Variants in PAM observed in about 807,000 individuals in gnomAD.
PAM encodes peptidyl-glycine alpha-amidating monooxygenase.
A neutral mutation model predicts 122.1 loss-of-function variants in PAM; 72 were observed. The observed-to-expected ratio is 0.59, with a 90% confidence interval of 0.49 to 0.72. The LOEUF (loss-of-function observed/expected upper bound fraction) is 0.72, where lower values mean the gene tolerates loss of function less well. Among genes scored for constraint, PAM ranks in the 30% least tolerant of loss-of-function variants. The pLI, the probability that PAM is intolerant of heterozygous loss-of-function variation, is 0.00. For synonymous variants in PAM, 389 were observed against 404.4 expected, an observed-to-expected ratio of 0.96 and a Z score of 0.46; for missense variants, 1,106 against 1,183.7, an observed-to-expected ratio of 0.93 and a Z score of 0.96.
chr5:102,933,847 C>T (rs962572296), intron 7 of PAM, among the ~76,000 whole-genome samples: 1 of 152,194 alleles, frequency 6.6e-6, no homozygotes. Context: ...TTATTTCATT[C>T]CACTATAAAG....
chr5:103,030,808 C>CCAACTAAA (rs1672269806), downstream of PAM: 6 of 152,330 alleles, frequency 3.9e-5, no homozygotes, highest in South Asian at 1.2e-3. Flanking sequence ...ATTTAGTTGG[C>CCAACTAAA]TTACAATGGA....
chr5:102,918,609 A>G (rs1432812943), intron 5 of PAM, among the ~76,000 whole-genome samples: 1 of 152,100 alleles, frequency 6.6e-6, no homozygotes, highest in Non-Finnish European at 1.5e-5. Context: ...GAATTACTTC[A>G]TTCTGTTTTT....
chr5:102,936,099 G>A (rs568805525), intron 7 of PAM, among the ~76,000 whole-genome samples: 9 of 152,142 alleles, frequency 5.9e-5, no homozygotes, highest in African/African-American at 1.9e-4. Context: ...TGCACTTGAG[G>A]GTATTTGCAT....
At chr5:102,781,304 T>A (rs1422435347) in intron 1 of PAM, among the ~76,000 whole-genome samples, 1 of 152,208 alleles carries the variant, frequency 6.6e-6, no homozygotes, top group African/African-American at 2.4e-5. Context: ...TTTTGTAGTA[T>A]GAGAGCATAG....
intron 14 of PAM, among the ~76,000 whole-genome samples, chr5:102,971,909 CT>C (rs1765949626): frequency 6.6e-6 from 1 of 152,158 alleles, no homozygotes; most frequent in African/African-American, 2.4e-5. Context: ...TGGTCTCTCT[CT>C]CATGTAACAA....
chr5:102,876,742 C>G (rs1044726398), intron 3 of PAM, among the ~76,000 whole-genome samples: 3 of 152,220 alleles, frequency 2.0e-5, no homozygotes, highest in Non-Finnish European at 4.4e-5. Context: ...ATGGGGCCAG[C>G]TGTGTTTGCT....
At chr5:102,835,555 C>T (rs1776786686) in intron 1 of PAM, among the ~76,000 whole-genome samples, 1 of 151,700 alleles carries the variant, frequency 6.6e-6, no homozygotes, top group South Asian at 2.1e-4. Flanking sequence ...TATACAAAAA[C>T]TGGAAGAACC....
chr5:102,822,942 C>G (rs40491), intron 1 of PAM, among the ~76,000 whole-genome samples: 92,781 of 152,010 alleles, frequency 0.61, 28,678 homozygotes, highest in South Asian at 0.77. Context: ...GGCCCTCCCC[C>G]ACCCTCTATG....
chr5:102,923,295 T>G (rs1009240053), intron 5 of PAM, among the ~76,000 whole-genome samples: 2 of 152,218 alleles, frequency 1.3e-5, no homozygotes, highest in African/African-American at 2.4e-5. Context: ...GGTTTTCATA[T>G]GTGCAACGTG....
chr5:102,907,942 A>G (rs1251488293), intron 4 of PAM, among the ~76,000 whole-genome samples: 2 of 151,684 alleles, frequency 1.3e-5, no homozygotes, highest in African/African-American at 4.8e-5. Flanking sequence ...CTCTGATGGT[A>G]GTTTCTTTTG....
chr5:102,927,960 A>C (rs530016339), intron 7 of PAM, among the ~76,000 whole-genome samples: 1 of 152,304 alleles, frequency 6.6e-6, no homozygotes, highest in Non-Finnish European at 1.5e-5. Context: ...AAAGAAATAA[A>C]TAATATTTGT....
At chr5:102,950,553 C>T (rs977224895) in intron 11 of PAM, among the ~76,000 whole-genome samples, 164 bp from the exon 12 acceptor site, 4 of 151,962 alleles carry the variant, frequency 2.6e-5, no homozygotes, top group Admixed American at 6.6e-5. Context: ...ATCCTCTGAT[C>T]AGTTGAATGG....
At chr5:102,955,040 T>C (rs111249172) in intron 12 of PAM, among the ~76,000 whole-genome samples, 2 of 152,146 alleles carry the variant, frequency 1.3e-5, no homozygotes, top group East Asian at 3.8e-4. Flanking sequence ...TTAACAGTTT[T>C]GTAAAATGAC....
At chr5:102,848,722 G>A (rs899177657) in intron 1 of PAM, among the ~76,000 whole-genome samples, 2 of 152,150 alleles carry the variant, frequency 1.3e-5, no homozygotes, top group African/African-American at 4.8e-5. Flanking sequence ...GATAGGTAAA[G>A]TTGAGGAAAT....
chr5:102,900,263 G>T (rs529403918), intron 3 of PAM, among the ~76,000 whole-genome samples: 4 of 109,532 alleles, frequency 3.7e-5, no homozygotes, highest in South Asian at 3.5e-4. Flanking sequence ...GTGGGGGGGG[G>T]GCGGGGGGAA....
At chr5:102,802,455 G>A (rs895823767) in intron 1 of PAM, among the ~76,000 whole-genome samples, 1 of 152,076 alleles carries the variant, frequency 6.6e-6, no homozygotes, top group Non-Finnish European at 1.5e-5. Context: ...CTATTACATA[G>A]ACTGAGAAAA....
intron 1 of PAM, among the ~76,000 whole-genome samples, chr5:102,837,531 CCTTT>C (rs1777426710): frequency 6.6e-6 from 1 of 152,146 alleles, no homozygotes. Context: ...TATTTCCTCT[CCTTT>C]CTGATACCTA....
chr5:102,961,376 A>T, intron 14 of PAM, 147 bp downstream of exon 14: 1 of 515,074 alleles, frequency 1.9e-6, no homozygotes, highest in South Asian at 3.0e-5. Context: ...TGCATAATTC[A>T]TGAGAAAATG....
At chr5:102,894,205 A>C (rs1283979741) in intron 3 of PAM, among the ~76,000 whole-genome samples, 2 of 151,662 alleles carry the variant, frequency 1.3e-5, no homozygotes, top group African/African-American at 2.4e-5. Context: ...AAGAGTACCC[A>C]CAGGGTCTCA....
Sources: gnomAD v4.1 joint callset for allele counts (sites outside exome capture counted in the v4.1 genomes callset) on GRCh38, gnomAD v4.1.1 for gene constraint, MANE v1.5 for transcripts, NCBI Gene and HGNC (gene_info 2026-07-23, HGNC 2026-07-21) for gene names.